ARMCX4: variants seen among roughly 807,000 people sequenced by gnomAD.
ARMCX4 encodes armadillo repeat containing X-linked 4, also known as armadillo repeat-containing X-linked protein 4.
ARMCX4 carries 3 observed loss-of-function variants against 34.7 expected under a neutral mutation model. The observed-to-expected ratio is 0.09, with a 90% CI of 0.04 to 0.22. ARMCX4 has a LOEUF of 0.22. Among genes scored for constraint, ARMCX4 ranks in the 10% least tolerant of loss-of-function variants. ARMCX4 has a pLI of 1.00. For synonymous variants in ARMCX4, 513 were observed against 632.8 expected, an observed-to-expected ratio of 0.81 and a Z score of 2.84; for missense variants, 1,448 against 1,720.8, an observed-to-expected ratio of 0.84 and a Z score of 2.81.
chrX:101,449,339 A>G (rs1909550669), downstream of ARMCX4, among the ~76,000 whole-genome samples: 1 of 112,420 alleles, frequency 8.9e-6, no homozygotes, highest in Non-Finnish European at 1.9e-5. Flanking sequence ...GGTCAATAAC[A>G]GATTTGCTCT....
chrX:101,449,381 G>GTTT (rs1931848885), downstream of ARMCX4, among the ~76,000 whole-genome samples: 1 of 111,717 alleles, frequency 9.0e-6, no homozygotes, highest in Non-Finnish European at 1.9e-5. Flanking sequence ...CTGTAGTTGT[G>GTTT]CTTCATTTAT....
chrX:101,437,692 T>G (rs1555995356), intron 2 of ARMCX4, among the ~76,000 whole-genome samples: 1 of 111,674 alleles, frequency 9.0e-6, no homozygotes, highest in African/African-American at 3.3e-5. Flanking sequence ...TGCTAGCTTT[T>G]GAATGTGTTT....
downstream of ARMCX4, among the ~76,000 whole-genome samples, chrX:101,451,256 A>G (rs1207082606): frequency 9.0e-6 from 1 of 111,647 alleles, no homozygotes; most frequent in African/African-American, 3.3e-5. Context: ...GGGATGGGTA[A>G]TTTCCCTCTG....
At chrX:101,462,015 G>A (rs953401263) in intron 4 of ARMCX4, among the ~76,000 whole-genome samples, 2 of 112,053 alleles carry the variant, frequency 1.8e-5, no homozygotes, top group African/African-American at 3.2e-5. Flanking sequence ...TTCACTGAAA[G>A]AGCAATATTT....
rs781942334 is a variant in ARMCX4, at chrX:101,492,577, G to C, written c.3988G>C (p.Ala1330Pro). The C allele has an allele frequency of 1.3e-4, 152 of 1,130,240 alleles. No homozygotes were observed. In the South Asian group the frequency reaches 2.6e-3, roughly 19 times the overall value. The allele number at this position is 1,130,240 out of a possible 1,213,427, so 93.1% of individuals were successfully genotyped here. A position where few individuals can be genotyped will look rare whatever the true frequency, so the allele number is the denominator to read the frequency against. The change falls in exon 6 of 6, where the codon GCT (alanine) becomes CCT (proline). Residue 1330 changes from alanine to proline, a missense_variant. Coordinates refer to ENST00000423738, the MANE Select transcript of ARMCX4 (RefSeq NM_001256155.3). ...EDQASGEGSW[A>P]GAGGQASGGS... is the part of the protein sequence containing the mutation. ...TCAAGCCAGTGGAGAAGGGTCCTGGGCTGGGGCTGGTGGCCAGGCTAGTGG... is the reference window on the plus strand; with the variant it reads ...TCAAGCCAGTGGAGAAGGGTCCTGGCCTGGGGCTGGTGGCCAGGCTAGTGG...
intron 2 of ARMCX4, among the ~76,000 whole-genome samples, chrX:101,423,041 C>G (rs1752496533): frequency 9.1e-6 from 1 of 109,635 alleles, no homozygotes; most frequent in Admixed American, 9.8e-5. Context: ...TCCCGAGTAG[C>G]TGGGATTACA....
chrX:101,507,209 G>A (rs1429274081), intron 8 of ARMCX4, among the ~76,000 whole-genome samples: 1 of 111,212 alleles, frequency 9.0e-6, no homozygotes, highest in African/African-American at 3.3e-5. Context: ...AGGAGAGGCA[G>A]GTAAGTGCAT....
chrX:101,485,527 G>C lies in ARMCX4; in HGVS notation c.-440G>C, dbSNP rs1933659605. The C allele has an allele frequency of 3.6e-6, 2 of 560,783 alleles. No homozygotes were observed. Among genetic ancestry groups the C allele is most frequent in the Non-Finnish European group, 4.3e-6 (2 of 463,616 alleles). The allele number at this position is 560,783 out of a possible 1,213,427, so 46.2% of individuals were successfully genotyped here. A position where few individuals can be genotyped will look rare whatever the true frequency, so the allele number is the denominator to read the frequency against. ...TGGCATCGGGCCCGGGGAAAGCGGA[G>C]CAGGTAAGGGCCCTGGGGCCCGCGC... On this transcript the variant is annotated 5_prime_UTR_variant, in exon 1 of 6. Transcript: ENST00000423738.
intron 2 of ARMCX4, chrX:101,419,072 G>A (rs1929078872): frequency 2.0e-5 from 2 of 99,586 alleles, no homozygotes; most frequent in African/African-American, 7.5e-5. Flanking sequence ...TTTTTCCTCT[G>A]CAGAAAAACC....
intron 8 of ARMCX4, chrX:101,505,359 A>G (rs1269110625): frequency 9.0e-6 from 1 of 111,504 alleles, no homozygotes; most frequent in Non-Finnish European, 1.9e-5. Context: ...CAAAACTGTG[A>G]GTTAAATAAA....
At chrX:101,465,617 T>G (rs1288043847) in intron 4 of ARMCX4, among the ~76,000 whole-genome samples, 2 of 112,277 alleles carry the variant, frequency 1.8e-5, no homozygotes, top group East Asian at 5.5e-4. Context: ...GGTGTTTCAT[T>G]GTATAAACTT....
chrX:101,429,021 G>A (rs925150177), intron 2 of ARMCX4, among the ~76,000 whole-genome samples: 9 of 109,190 alleles, frequency 8.2e-5, no homozygotes, highest in African/African-American at 3.0e-4. Context: ...ACCATGCCCG[G>A]CTAATTTTTT....
At chrX:101,451,290 C>T (rs1246792189), downstream of ARMCX4, among the ~76,000 whole-genome samples, 3 of 111,746 alleles carry the variant, frequency 2.7e-5, no homozygotes, top group African/African-American at 9.8e-5. Flanking sequence ...TAAATGCTCC[C>T]TCTGTGGGCA....
intron 4 of ARMCX4, among the ~76,000 whole-genome samples, chrX:101,479,068 G>A (rs186910438): frequency 3.6e-5 from 4 of 110,753 alleles, no homozygotes; most frequent in Middle Eastern, 4.7e-3. Flanking sequence ...TTGAAAGTTC[G>A]TTATTTCACA....
intron 4 of ARMCX4, among the ~76,000 whole-genome samples, chrX:101,477,699 G>A (rs1318466136): frequency 2.7e-5 from 3 of 109,508 alleles, no homozygotes; most frequent in Non-Finnish European, 5.7e-5. Flanking sequence ...AAAAAGGATG[G>A]TACACAGAAA....
Position 101,490,312 on chromosome X carries a change from A to G in ARMCX4, c.1723A>G (p.Thr575Ala). 1 of 1,154,606 alleles carries G rather than the reference A, an allele frequency of 8.7e-7. No individual in the cohort carries two copies. The highest frequency in any genetic ancestry group is 3.3e-5 in the East Asian group (1 of 30,708). The change falls in exon 6 of 6, where the codon ACT becomes GCT. Residue 575 changes from threonine to alanine, a missense_variant. Thr to Ala is a moderately conservative substitution (Grantham distance 58). Transcript: ENST00000423738. ...TGATGGTAGGGGCAATCCTAATGCC[A>G]CTTCTAAAGCCGGGACTAAGGCAGA... ...RVDGRGNPNA[T>A]SKAGTKADQR...
In ARMCX4 at chrX:101,439,165, A is replaced by G. The variant is rs1348154980; in HGVS notation, n.165-4887A>G. Among the ~76,000 whole-genome samples the G allele has an allele frequency of 6.3e-5, 7 of 111,683 alleles. No homozygotes were observed. The South Asian group carries it at 2.2e-3, about 36-fold the overall frequency. ...TCAGGAGTTCTTTTAGGGCAGGCCT[A>G]GTGGTGACAGAATCTCTCAGCATTT... On this transcript the variant is annotated intron_variant and non_coding_transcript_variant, in intron 2 of 3. Coordinates refer to the ARMCX4 transcript ENST00000430461.
intron 8 of ARMCX4, among the ~76,000 whole-genome samples, chrX:101,507,066 A>C (rs184116274): frequency 1.8e-5 from 2 of 111,223 alleles, no homozygotes; most frequent in African/African-American, 6.5e-5. Flanking sequence ...TATACCTCCC[A>C]TCCTATACAC....
intron 2 of ARMCX4, among the ~76,000 whole-genome samples, chrX:101,430,915 G>A (rs1217948451): frequency 9.0e-6 from 1 of 111,359 alleles, no homozygotes; most frequent in East Asian, 2.8e-4. Context: ...AGTCTCAGAA[G>A]GAAGAAAATA....
Sources: gnomAD v4.1 joint callset for allele counts (sites outside exome capture counted in the v4.1 genomes callset) on GRCh38, gnomAD v4.1.1 for gene constraint, MANE v1.5 for transcripts, NCBI Gene and HGNC (gene_info 2026-07-23, HGNC 2026-07-21) for gene names.